Variants in KCNT1 observed in about 807,000 individuals in gnomAD.
The protein encoded by KCNT1 is potassium channel subfamily T member 1.
KCNT1 carries 78 observed loss-of-function variants against 147.8 expected under a neutral mutation model. The observed-to-expected ratio is 0.53, with a 90% confidence interval of 0.44 to 0.64. The LOEUF (loss-of-function observed/expected upper bound fraction) is 0.64, where lower values mean the gene tolerates loss of function less well. Among genes scored for constraint, KCNT1 ranks in the 30% least tolerant of loss-of-function variants. KCNT1 has a pLI of 0.00. For synonymous variants in KCNT1, 867 were observed against 748.8 expected, an observed-to-expected ratio of 1.16 and a Z score of -2.58; for missense variants, 1,419 against 1,750.3, an observed-to-expected ratio of 0.81 and a Z score of 3.38.
intron 2 of KCNT1, among the ~76,000 whole-genome samples, chr9:135,737,586 A>G (rs934612839): frequency 3.3e-4 from 50 of 152,080 alleles, no homozygotes; most frequent in African/African-American, 1.2e-3. Flanking sequence ...AGAGCCGGGG[A>G]CTCCTGGGGT....
At position 135,785,341 on chromosome 9, in the gene KCNT1, C is replaced by T. The variant is rs939036649; in HGVS notation, c.3177+11C>T. The stretch of plus-strand genomic sequence containing the variant: ...GACCTCAGAGCCCAGGTAAGCAACC[C>T]CTCCGTGCCCACGCAGCTTCTGCGG... On this transcript the variant is annotated intron_variant, in intron 28 of 30. Coordinates refer to ENST00000371757, the MANE Select transcript of KCNT1 (RefSeq NM_020822.3). 6.2e-7 allele frequency: 1 copy of T among 1,613,004 alleles called. No homozygotes were observed. The highest frequency in any genetic ancestry group is 8.5e-7 in the Non-Finnish European group (1 of 1,179,934).
intron 2 of KCNT1, among the ~76,000 whole-genome samples, chr9:135,741,469 G>C (rs1830565386): frequency 1.3e-5 from 2 of 152,246 alleles, no homozygotes; most frequent in Non-Finnish European, 1.5e-5. Context: ...TCCAGCGAGA[G>C]GGAAGCTGAG....
chr9:135,706,957 G>A (rs948651518), intron 1 of KCNT1, among the ~76,000 whole-genome samples: 3 of 151,862 alleles, frequency 2.0e-5, no homozygotes, highest in African/African-American at 7.3e-5. Context: ...CATTGGTGCT[G>A]AGGAAATGAA....
intron 2 of KCNT1, among the ~76,000 whole-genome samples, chr9:135,738,459 C>G (rs1481713174): frequency 2.0e-5 from 3 of 148,768 alleles, no homozygotes; most frequent in East Asian, 4.0e-4. Flanking sequence ...ACGGAAAACA[C>G]AGGCGAGGCC....
rs938532092 is a variant in KCNT1 at position 135,753,538 on chromosome 9, G to A, written c.435-399G>A. 2.0e-5 allele frequency among the ~76,000 whole-genome samples: 3 copies of A among 152,176 alleles called. No individual in the cohort carries two copies. In the East Asian group the frequency reaches 5.8e-4, roughly 29 times the overall value. ...CCTTGTTCAAGGCAGCTCTGGCCTT[G>A]GGGAGGCCCTGAGTGTTCCCACATG... On this transcript the variant is annotated intron_variant, in intron 4 of 30. Coordinates refer to ENST00000371757, the MANE Select transcript of KCNT1 (RefSeq NM_020822.3).
intron 26 of KCNT1, 46 bp downstream of exon 26, chr9:135,784,664 C>T: frequency 6.2e-7 from 1 of 1,610,002 alleles, no homozygotes; most frequent in South Asian, 1.1e-5. Flanking sequence ...CTGGGCTGTC[C>T]AAGTGGGTGG....
At chr9:135,764,537 G>T (rs1054680139) in intron 11 of KCNT1, among the ~76,000 whole-genome samples, 2 of 152,142 alleles carry the variant, frequency 1.3e-5, no homozygotes, top group Non-Finnish European at 2.9e-5. Context: ...CCTCTGTTTT[G>T]GATCTGTCCC....
At chr9:135,746,039 G>T (rs1047687178) in intron 2 of KCNT1, among the ~76,000 whole-genome samples, 1 of 152,266 alleles carries the variant, frequency 6.6e-6, no homozygotes, top group Non-Finnish European at 1.5e-5. Flanking sequence ...TGCGTGACTC[G>T]TGAAGACAGA....
intron 13 of KCNT1, 96 bp from the exon 14 acceptor site, chr9:135,768,514 C>T (rs1374879798): frequency 6.9e-6 from 6 of 875,476 alleles, no homozygotes; most frequent in Non-Finnish European, 9.0e-6. Flanking sequence ...CACCAGCCTC[C>T]TCCCAGAGGA....
Position 135,784,537 on chromosome 9 carries a change from C to A in KCNT1, c.2946C>A (p.Ser982=). Residue 982 remains serine, a splice_region_variant and synonymous_variant, in exon 26 of 31, where the codon TCC becomes TCA. Coordinates refer to ENST00000371757, the MANE Select transcript of KCNT1 (RefSeq NM_020822.3). ...TCCCTCCCTCCCTCCCTGGCCAGTCCTTCGTGAAGGACTACATGATCACCA... is the reference window on the plus strand; with the variant it reads ...TCCCTCCCTCCCTCCCTGGCCAGTCATTCGTGAAGGACTACATGATCACCA... ...ISMLDTLLYQ[S]FVKDYMITIT... is the part of the protein sequence containing the mutation. The A allele has an allele frequency of 7.9e-7, 1 of 1,273,146 alleles. No individual in the cohort carries two copies. Among genetic ancestry groups the A allele is most frequent in the South Asian group, 1.2e-5 (1 of 80,458 alleles). The allele number at this position is 1,273,146 out of a possible 1,614,324, so 78.9% of individuals were successfully genotyped here.
intron 2 of KCNT1, 98 bp from the exon 3 acceptor site, chr9:135,750,000 G>A: frequency 1.1e-6 from 1 of 931,444 alleles, no homozygotes. Context: ...CCTGCAGTTG[G>A]AAAGTTGGAA....
Position 135,751,005 on chromosome 9 carries a change from G to C in KCNT1, c.398G>C (p.Arg133Pro). ...CTCACCTGCCTGCTCTACATTGTGC[G>C]CGTCCTGCTCGATGACCCGGCCCTG... ...KLLTCLLYIV[R>P]VLLDDPALGI... Residue 133 changes from arginine to proline, a missense_variant, in exon 4 of 31, where the codon CGC becomes CCC. Physicochemically the swap from Arg to Pro is moderately radical, Grantham distance 103. This residue lies in a region of KCNT1 where 401 missense variants were observed against 610.6 expected (regional missense o/e 0.66). Transcript: ENST00000371757. 1 of 1,612,786 alleles carries C rather than the reference G, an allele frequency of 6.2e-7. No individual in the cohort carries two copies. Among genetic ancestry groups the C allele is most frequent in the Non-Finnish European group, 8.5e-7 (1 of 1,179,854 alleles).
At chr9:135,770,533 T>TGGCCCTGGGGC (rs1423610698) in intron 17 of KCNT1, 86 bp downstream of exon 17, 15 of 1,504,028 alleles carry the variant, frequency 1.0e-5, no homozygotes, top group African/African-American at 8.4e-5. Context: ...GGCACAGGGG[T>TGGCCCTGGGGC]GGCCCTGGGG....
chr9:135,729,664 A>C (rs1356097762), intron 2 of KCNT1, among the ~76,000 whole-genome samples: 2 of 152,140 alleles, frequency 1.3e-5, no homozygotes, highest in Non-Finnish European at 2.9e-5. Context: ...CACCGTCTGC[A>C]CGTGTCCGGT....
At chr9:135,787,521 G>A (rs548150588) in intron 29 of KCNT1, among the ~76,000 whole-genome samples, 9 of 152,160 alleles carry the variant, frequency 5.9e-5, no homozygotes, top group African/African-American at 1.7e-4. Flanking sequence ...TGCTTCCTGC[G>A]TCTGTCACCT....
chr9:135,784,108 G>T lies in KCNT1; in HGVS notation c.2926G>T (p.Asp976Tyr). The T allele has an allele frequency of 6.2e-7, 1 of 1,604,632 alleles. No individual in the cohort carries two copies. Among genetic ancestry groups the T allele is most frequent in the Non-Finnish European group, 8.5e-7 (1 of 1,179,884 alleles). The part of the protein sequence containing the change: ...AGRVFSISML[D>Y]TLLYQSFVKD... ...CCGCGTCTTCAGCATCAGCATGTTG[G>T]ACACACTGCTCTACCAGGTCAGCGG... The change falls in exon 25 of 31, where the codon GAC becomes TAC. Residue 976 changes from aspartate (D) to tyrosine (Y), a missense_variant. Asp to Tyr is a radical substitution (Grantham distance 160, BLOSUM62 -3). This residue lies in a region of KCNT1 where 247 missense variants were observed against 397.1 expected (regional missense o/e 0.62). Coordinates refer to ENST00000371757, the MANE Select transcript of KCNT1 (RefSeq NM_020822.3).
intron 18 of KCNT1, 79 bp from the exon 19 acceptor site, chr9:135,772,636 T>C: frequency 9.3e-7 from 1 of 1,076,802 alleles, no homozygotes; most frequent in East Asian, 3.1e-5. Context: ...GAGCTGACTG[T>C]GTTCACCTGA....
intron 2 of KCNT1, among the ~76,000 whole-genome samples, chr9:135,737,581 C>T (rs567459600): frequency 1.2e-3 from 182 of 152,286 alleles, no homozygotes; most frequent in African/African-American, 3.9e-3. Context: ...ACAGAAGAGC[C>T]GGGGACTCCT....
At chr9:135,747,580 A>AC (rs1021822171) in intron 2 of KCNT1, among the ~76,000 whole-genome samples, 7 of 151,984 alleles carry the variant, frequency 4.6e-5, no homozygotes, top group Admixed American at 3.3e-4. Flanking sequence ...CGGCGGACAG[A>AC]CCCCCCAAAG....
Sources: allele counts gnomAD v4.1 joint callset (sites outside exome capture counted in the v4.1 genomes callset), GRCh38; gene constraint gnomAD v4.1.1; regional missense constraint gnomAD v4.1.1; transcripts MANE v1.5; gene names NCBI Gene and HGNC (gene_info 2026-07-23, HGNC 2026-07-21).